The following SPON1 variants were observed in gnomAD, a reference collection of about 807,000 sequenced individuals.
SPON1 encodes spondin 1.
In SPON1, 52 loss-of-function variants were observed where a neutral mutation model predicts 111.7. The observed-to-expected ratio is 0.47, with a 90% CI of 0.37 to 0.59. SPON1 has a LOEUF of 0.59. Among genes scored for constraint, SPON1 ranks in the 20% least tolerant of loss-of-function variants. The probability of loss-of-function intolerance (pLI) is 0.00; values close to 1 mark genes in which losing one functional copy is unlikely to be tolerated. For synonymous variants in SPON1, 410 were observed against 395.8 expected (o/e 1.04, Z -0.43); for missense variants, 957 against 1,068.5 (o/e 0.90, Z 1.46).
intron 2 of SPON1, among the ~76,000 whole-genome samples, chr11:14,029,366 T>C (rs1032064838): frequency 6.6e-6 from 1 of 152,206 alleles, no homozygotes; most frequent in Non-Finnish European, 1.5e-5. Flanking sequence ...TATTTATCAA[T>C]GCACAGTGAT....
intron 6 of SPON1, among the ~76,000 whole-genome samples, chr11:14,201,363 CAAAA>C (rs71041591): frequency 6.7e-6 from 1 of 150,076 alleles, no homozygotes; most frequent in South Asian, 2.1e-4. Flanking sequence ...AACAAAAAAA[CAAAA>C]AAAACTACCA....
At chr11:14,027,452 T>G (rs1848527167) in intron 2 of SPON1, among the ~76,000 whole-genome samples, 1 of 152,200 alleles carries the variant, frequency 6.6e-6, no homozygotes, top group South Asian at 2.1e-4. Flanking sequence ...ACACCATCCC[T>G]TCTCAGGACT....
chr11:14,186,811 C>A (rs1208253676), intron 6 of SPON1, among the ~76,000 whole-genome samples: 1 of 152,210 alleles, frequency 6.6e-6, no homozygotes, highest in East Asian at 1.9e-4. Context: ...TAAGCCAGAT[C>A]TTCGTGTGAG....
intron 1 of SPON1, among the ~76,000 whole-genome samples, chr11:13,982,223 G>A (rs1408209466): frequency 6.6e-6 from 1 of 151,504 alleles, no homozygotes; most frequent in African/African-American, 2.4e-5. Flanking sequence ...AGTAAGCATA[G>A]GGTTTGGTAC....
intron 2 of SPON1, among the ~76,000 whole-genome samples, chr11:14,026,879 G>C (rs1848522748): frequency 6.6e-6 from 1 of 151,992 alleles, no homozygotes; most frequent in Admixed American, 6.6e-5. Context: ...TCCCATTTTT[G>C]GCTCTTTTGA....
chr11:14,146,668 A>G (rs1554929377), intron 6 of SPON1, among the ~76,000 whole-genome samples: 1 of 152,222 alleles, frequency 6.6e-6, no homozygotes, highest in Non-Finnish European at 1.5e-5. Context: ...GAAAAAGCAT[A>G]TAATGAAGGG....
At chr11:14,063,576 A>G (rs1848808074) in intron 3 of SPON1, among the ~76,000 whole-genome samples, 1 of 152,206 alleles carries the variant, frequency 6.6e-6, no homozygotes, top group South Asian at 2.1e-4. Flanking sequence ...GTGAGGGTCC[A>G]AGATGACTGT....
At chr11:14,177,199 C>T (rs1200527942) in intron 6 of SPON1, among the ~76,000 whole-genome samples, 1 of 152,180 alleles carries the variant, frequency 6.6e-6, no homozygotes, top group African/African-American at 2.4e-5. Flanking sequence ...CACCACCATA[C>T]GCAGCTAATT....
intron 6 of SPON1, among the ~76,000 whole-genome samples, chr11:14,213,569 C>T (rs782644745): frequency 3.3e-5 from 5 of 152,098 alleles, no homozygotes; most frequent in South Asian, 2.1e-4. Context: ...ATTAATCAAA[C>T]GATATTTATT....
intron 5 of SPON1, among the ~76,000 whole-genome samples, chr11:14,127,790 A>G (rs926804883): frequency 1.3e-3 from 197 of 152,228 alleles, no homozygotes; most frequent in African/African-American, 4.4e-3. Flanking sequence ...TAATGTAAAA[A>G]GAGGTGTAAT....
At chr11:14,196,338 A>G (rs1554935076) in intron 6 of SPON1, among the ~76,000 whole-genome samples, 1 of 152,188 alleles carries the variant, frequency 6.6e-6, no homozygotes. Context: ...GGGGAGTGAC[A>G]ACTAACGAGT....
At chr11:14,065,954 G>C (rs1848829412) in intron 3 of SPON1, among the ~76,000 whole-genome samples, 1 of 152,138 alleles carries the variant, frequency 6.6e-6, no homozygotes, top group East Asian at 1.9e-4. Flanking sequence ...TGAGTTTAAG[G>C]AAGTGTTGTT....
At chr11:14,261,962 CCT>C (rs1849189170) in intron 14 of SPON1, among the ~76,000 whole-genome samples, 1 of 152,062 alleles carries the variant, frequency 6.6e-6, no homozygotes, top group African/African-American at 2.4e-5. Context: ...AGTCCACCAC[CCT>C]GACTTTGGCC....
chr11:14,017,277 T>C (rs1172423325), intron 2 of SPON1, among the ~76,000 whole-genome samples: 1 of 152,146 alleles, frequency 6.6e-6, no homozygotes, highest in Non-Finnish European at 1.5e-5. Context: ...AGGTCACAAA[T>C]AAAAAGAGTT....
At position 14,257,911 on chromosome 11, in the gene SPON1, C is replaced by T. The variant is rs1554941416; in HGVS notation, c.1492+13C>T. ...TGCAGTGACGAAGGTGAGGAGACAA[C>T]CCAGACCAGCCAGGGGCTGGCAGGA... On this transcript the variant is annotated intron_variant, in intron 11 of 15. Transcript: ENST00000576479. 4 of 1,519,772 alleles carry T rather than the reference C, an allele frequency of 2.6e-6. No homozygotes were observed. The highest frequency in any genetic ancestry group is 2.5e-5 in the South Asian group (2 of 81,348). 94.1% of individuals were successfully genotyped at this position (1,519,772 alleles called of 1,614,324 possible).
chr11:14,069,866 T>C (rs1848861708), intron 3 of SPON1, among the ~76,000 whole-genome samples: 3 of 151,532 alleles, frequency 2.0e-5, no homozygotes, highest in African/African-American at 7.3e-5. Flanking sequence ...GTAGATAGAG[T>C]CTTGTAGATA....
At position 14,066,979 on chromosome 11, in the gene SPON1, C is replaced by T. The variant is rs532071522; in HGVS notation, c.480-8366C>T. Among the ~76,000 whole-genome samples, 22 of 152,188 alleles carry T rather than the reference C, an allele frequency of 1.4e-4. No homozygotes were observed. In the South Asian group the frequency reaches 4.4e-3, roughly 30 times the overall value. On this transcript the variant is annotated intron_variant, in intron 3 of 15. Coordinates refer to ENST00000576479, the MANE Select transcript of SPON1 (RefSeq NM_006108.4). ...TCACTTGCCAGGAATTCGAGACCAG[C>T]CTGGACAGCATAGCAAGACCCCATC...
chr11:14,188,925 G>C (rs1848314626), intron 6 of SPON1, among the ~76,000 whole-genome samples: 1 of 152,164 alleles, frequency 6.6e-6, no homozygotes, highest in Non-Finnish European at 1.5e-5. Flanking sequence ...TAAAAGCCCT[G>C]AGTAATCACC....
chr11:14,178,045 A>AACAGACACACACACACACACAC (rs1848197550), intron 6 of SPON1, among the ~76,000 whole-genome samples: 1 of 142,606 alleles, frequency 7.0e-6, no homozygotes, highest in Non-Finnish European at 1.5e-5. Context: ...CACACACACA[A>AACAGACACACACACACACACAC]ACACACACAC....
Sources: gnomAD v4.1 joint callset for allele counts (sites outside exome capture counted in the v4.1 genomes callset) on GRCh38, gnomAD v4.1.1 for gene constraint, MANE v1.5 for transcripts, NCBI Gene and HGNC (gene_info 2026-07-23, HGNC 2026-07-21) for gene names.